Variants in GAS6 observed in about 807,000 individuals in gnomAD.
The protein encoded by GAS6 is growth arrest-specific protein 6.
In GAS6, 41 loss-of-function variants were observed where a neutral mutation model predicts 75.8. The ratio of observed to expected loss-of-function variants is 0.54; its 90% CI spans 0.42 to 0.70. The LOEUF is 0.70. Among genes scored for constraint, GAS6 ranks in the 30% least tolerant of loss-of-function variants. The probability of loss-of-function intolerance (pLI) is 0.00; values close to 1 mark genes in which losing one functional copy is unlikely to be tolerated. For missense variants in GAS6, 854 were observed against 940.2 expected (o/e 0.91, Z 1.20); for synonymous variants, 432 against 412.6 (o/e 1.05, Z -0.57).
chr13:113,857,293 C>CA (rs2051922672), intron 2 of GAS6, among the ~76,000 whole-genome samples: 1 of 152,208 alleles, frequency 6.6e-6, no homozygotes, highest in Non-Finnish European at 1.5e-5. Context: ...GTGCCTCTGT[C>CA]AGAGTGAAAG....
At position 113,851,045 on chromosome 13, in the gene GAS6, G is replaced by A. The variant is rs113316281; in HGVS notation, c.256-2995C>T. On this transcript the variant is annotated intron_variant, in intron 2 of 14. Transcript: ENST00000327773. The stretch of plus-strand genomic sequence containing the variant: ...TGAATGGGAATGAATGAATGGATGA[G>A]TGGATAGAGATGGATGAATGAACAA... Among the ~76,000 whole-genome samples, 549 of 151,078 alleles carry A rather than the reference G, an allele frequency of 3.6e-3. 1 individual carries two copies. The highest frequency in any genetic ancestry group is 6.9e-3 in the Middle Eastern group (2 of 290).
chr13:113,821,223 G>A (rs1297909000), intron 14 of GAS6: 10 of 596,756 alleles, frequency 1.7e-5, no homozygotes, highest in Non-Finnish European at 3.0e-5. Flanking sequence ...CCTGGGCTCT[G>A]CAGACGCCAG....
At chr13:113,860,231 G>A (rs966258099) in intron 2 of GAS6, among the ~76,000 whole-genome samples, 3 of 152,198 alleles carry the variant, frequency 2.0e-5, no homozygotes, top group African/African-American at 4.8e-5. Context: ...GTGCAGGTGC[G>A]GGTACAGGTG....
chr13:113,863,951 CG>C lies in GAS6; in HGVS notation c.-32del. ...GCCGGGGACGCGCGGTCAGAGCGCC[CG>C]GGAGGCCGAGGCGAGCCGCGGGCGC... On this transcript the variant is annotated 5_prime_UTR_variant, in exon 1 of 15. It removes the in-frame stop codon of an upstream open reading frame in the 5' UTR. Transcript: ENST00000327773. The surrounding 1 kb of genome is among the most constrained non-coding windows in gnomAD (Gnocchi z 9.4). 2 of 1,082,942 alleles carry C rather than the reference CG, an allele frequency of 1.8e-6. No homozygotes were observed. Among genetic ancestry groups the C allele is most frequent in the Non-Finnish European group, 2.2e-6 (2 of 894,776 alleles). The allele number at this position is 1,082,942 out of a possible 1,614,324, so 67.1% of individuals were successfully genotyped here. A position where few individuals can be genotyped will look rare whatever the true frequency, so the allele number is the denominator to read the frequency against.
rs149907010 is a variant in GAS6 at position 113,823,415 on chromosome 13, G to A, written c.1613C>T (p.Ala538Val). ...CTTCGTGGAGTGATAGTCTACCAGT[G>A]CCACAGAGAGAGGCACGGCACGGAG... ...PDLRAVPLSV[A>V]LVDYHSTKKL... The change falls in exon 13 of 15, where the codon GCA (alanine) becomes GTA (valine). Residue 538 changes from alanine (A) to valine (V), a missense_variant. Coordinates refer to ENST00000327773, the MANE Select transcript of GAS6 (RefSeq NM_000820.4). 4 of 1,612,630 alleles carry A rather than the reference G, an allele frequency of 2.5e-6. No individual in the cohort carries two copies. The highest frequency in any genetic ancestry group is 3.4e-6 in the Non-Finnish European group (4 of 1,179,846).
At chr13:113,826,785 G>T (rs1183208382) in intron 12 of GAS6, among the ~76,000 whole-genome samples, 1 of 152,174 alleles carries the variant, frequency 6.6e-6, no homozygotes, top group South Asian at 2.1e-4. Flanking sequence ...TTCTTCACTG[G>T]CTGACTCTGA....
intron 4 of GAS6, chr13:113,842,600 G>A (rs1048719402): frequency 5.5e-5 from 22 of 396,936 alleles, no homozygotes; most frequent in Middle Eastern, 6.2e-4. Flanking sequence ...GGGCGTATCC[G>A]CTTCTCCACC....
intron 13 of GAS6, 34 bp from the exon 14 acceptor site, chr13:113,822,220 G>C: frequency 6.8e-7 from 1 of 1,472,450 alleles, no homozygotes; most frequent in Non-Finnish European, 9.1e-7. Context: ...AGGGCCTGCC[G>C]GCCACCCCTA....
At chr13:113,840,757 A>C (rs2051766803) in intron 4 of GAS6, 1 of 152,236 alleles carries the variant, frequency 6.6e-6, no homozygotes, top group Non-Finnish European at 1.5e-5. Flanking sequence ...TGAGCATGGC[A>C]GTGCTCAGGG....
At chr13:113,842,518 G>C in intron 4 of GAS6, 1 of 396,606 alleles carries the variant, frequency 2.5e-6, no homozygotes, top group Admixed American at 4.4e-5. Context: ...TGTCCGCGGG[G>C]CGTCTGGAGA....
At chr13:113,856,475 G>A (rs2051915735) in intron 2 of GAS6, among the ~76,000 whole-genome samples, 1 of 152,040 alleles carries the variant, frequency 6.6e-6, no homozygotes, top group Non-Finnish European at 1.5e-5. Context: ...TTCACACATG[G>A]AGACCCCGAG....
At chr13:113,859,198 C>CTG (rs200149981) in intron 2 of GAS6, among the ~76,000 whole-genome samples, 2 of 126,024 alleles carry the variant, frequency 1.6e-5, no homozygotes, top group Admixed American at 1.7e-4. Context: ...GTGTGCATGT[C>CTG]TGTGTGTGTG....
chr13:113,834,283 G>A (rs759441303), intron 8 of GAS6, among the ~76,000 whole-genome samples: 5 of 152,144 alleles, frequency 3.3e-5, no homozygotes, highest in Non-Finnish European at 1.5e-5. Flanking sequence ...GCGGCAGAGT[G>A]GGGACCGTGC....
chr13:113,831,721 A>T (rs1391501240), intron 10 of GAS6, among the ~76,000 whole-genome samples: 1 of 151,776 alleles, frequency 6.6e-6, no homozygotes, highest in East Asian at 2.0e-4. Flanking sequence ...GTGAGCCCCC[A>T]GAGCATGAAC....
chr13:113,858,640 T>TGA (rs2051935951), intron 2 of GAS6, among the ~76,000 whole-genome samples: 1 of 100,478 alleles, frequency 1.0e-5, no homozygotes, highest in Non-Finnish European at 1.8e-5. Flanking sequence ...TGTCTGTGTG[T>TGA]TTGTGACTGT....
intron 3 of GAS6, chr13:113,847,680 G>T (rs770165213): frequency 1.9e-5 from 6 of 318,152 alleles, no homozygotes; most frequent in Admixed American, 1.6e-4. Context: ...GACCCCTTTG[G>T]GGTCCTCAAT....
intron 2 of GAS6, among the ~76,000 whole-genome samples, chr13:113,850,557 G>C (rs1449627563): frequency 6.6e-6 from 1 of 152,156 alleles, no homozygotes; most frequent in Non-Finnish European, 1.5e-5. Flanking sequence ...ATAAAAATAA[G>C]TGAGCAAACC....
intron 2 of GAS6, among the ~76,000 whole-genome samples, chr13:113,858,732 T>C (rs997066938): frequency 2.0e-5 from 3 of 152,184 alleles, no homozygotes; most frequent in African/African-American, 7.2e-5. Context: ...TGTGTGCATG[T>C]ATGTGTACAT....
rs2138671306 is a variant in GAS6 at position 113,863,227 on chromosome 13, GT to G, written c.255+347del. Among the ~76,000 whole-genome samples the G allele has an allele frequency of 1.3e-5, 2 of 152,300 alleles. No homozygotes were observed. The highest frequency in any genetic ancestry group is 3.9e-4 in the East Asian group (2 of 5,168). ...CAGGAGGACGAGGCGCGGCCCGGGGGTTCCTCACCTCCAGCCCAGCAGAGGG... is the reference window on the plus strand; with the variant it reads ...CAGGAGGACGAGGCGCGGCCCGGGGGTCCTCACCTCCAGCCCAGCAGAGGG... On this transcript the variant is annotated intron_variant, in intron 2 of 14. Transcript: ENST00000327773. The surrounding 1 kb of genome is among the most constrained non-coding windows in gnomAD (Gnocchi z 9.4).
Sources: gnomAD v4.1 joint callset for allele counts (sites outside exome capture counted in the v4.1 genomes callset) on GRCh38, gnomAD v4.1.1 for gene constraint, Gnocchi (gnomAD v3.1) non-coding constraint, MANE v1.5 for transcripts, NCBI Gene and HGNC (gene_info 2026-07-23, HGNC 2026-07-21) for gene names.